NAALADL2: variants seen among roughly 807,000 people sequenced by gnomAD.
NAALADL2 encodes the protein inactive N-acetylated-alpha-linked acidic dipeptidase-like protein 2.
In NAALADL2, 76 loss-of-function variants were observed where a neutral mutation model predicts 87.2. The observed-to-expected ratio is 0.87, with a 90% CI of 0.72 to 1.05. NAALADL2 has a LOEUF of 1.05. Among genes scored for constraint, NAALADL2 ranks in the 50% least tolerant of loss-of-function variants. NAALADL2 has a pLI of 0.00. For missense variants in NAALADL2, 1,089 were observed against 945.8 expected (o/e 1.15, Z -1.99); for synonymous variants, 354 against 331.0 (o/e 1.07, Z -0.75).
At chr3:174,500,974 A>C (rs1455543813) in intron 1 of NAALADL2, among the ~76,000 whole-genome samples, 1 of 150,802 alleles carries the variant, frequency 6.6e-6, no homozygotes, top group Non-Finnish European at 1.5e-5. Context: ...CTCGAGCCTC[A>C]GCCTTCCGAG....
At chr3:175,509,899 G>A (rs1012076338) in intron 9 of NAALADL2, among the ~76,000 whole-genome samples, 10 of 151,632 alleles carry the variant, frequency 6.6e-5, no homozygotes, top group South Asian at 2.1e-4. Context: ...TGTGCACAAC[G>A]TGCAGGTTTG....
chr3:175,125,321 G>C (rs1055633710), intron 2 of NAALADL2, among the ~76,000 whole-genome samples: 1 of 151,924 alleles, frequency 6.6e-6, no homozygotes, highest in Non-Finnish European at 1.5e-5. Flanking sequence ...GGTTCCAGAA[G>C]CTACTGGAGA....
intron 1 of NAALADL2, among the ~76,000 whole-genome samples, chr3:174,511,757 T>G (rs1040458306): frequency 5.3e-5 from 8 of 151,992 alleles, no homozygotes; most frequent in African/African-American, 1.9e-4. Context: ...TTCTTTTAGA[T>G]AAAATGGACA....
intron 2 of NAALADL2, among the ~76,000 whole-genome samples, chr3:174,661,669 C>T (rs1358313899): frequency 6.6e-6 from 1 of 152,202 alleles, no homozygotes. Context: ...GTGTAACCAT[C>T]ACCCAAATAT....
intron 9 of NAALADL2, among the ~76,000 whole-genome samples, chr3:175,538,179 A>G (rs896532682): frequency 3.3e-5 from 5 of 152,126 alleles, no homozygotes; most frequent in African/African-American, 1.2e-4. Flanking sequence ...TTATAGACAG[A>G]ATGTCCAAAT....
At position 174,610,557 on chromosome 3, in the gene NAALADL2, G is replaced by A. The variant is rs550427519; in HGVS notation, c.-115+59920G>A. ...AGACATTTATGCAGCCAAAAAACAC[G>A]TGAAAAAATGCTCACCATCACTGGC... On this transcript the variant is annotated intron_variant, in intron 2 of 3. Coordinates refer to the NAALADL2 transcript ENST00000434257. 3.4e-4 allele frequency among the ~76,000 whole-genome samples: 52 copies of A among 152,198 alleles called. 1 individual carries two copies. The highest frequency in any genetic ancestry group is 1.1e-3 in the Admixed American group (17 of 15,290).
chr3:174,604,477 G>T (rs1386463055), intron 2 of NAALADL2, among the ~76,000 whole-genome samples: 1 of 151,924 alleles, frequency 6.6e-6, no homozygotes, highest in Non-Finnish European at 1.5e-5. Flanking sequence ...TGTATTTCTT[G>T]TAGGTAATAG....
At chr3:174,590,742 C>G (rs1194506197) in intron 2 of NAALADL2, among the ~76,000 whole-genome samples, 2 of 152,084 alleles carry the variant, frequency 1.3e-5, no homozygotes, top group African/African-American at 4.8e-5. Flanking sequence ...AAAACAGGCA[C>G]AGTAACAGTA....
At chr3:175,072,006 C>G (rs989429239) in intron 1 of NAALADL2, among the ~76,000 whole-genome samples, 9 of 151,638 alleles carry the variant, frequency 5.9e-5, no homozygotes, top group African/African-American at 2.2e-4. Flanking sequence ...TTCTTTTTTC[C>G]CTATAAGCAT....
chr3:175,476,647 G>A (rs1019881951), intron 9 of NAALADL2, among the ~76,000 whole-genome samples: 4 of 152,118 alleles, frequency 2.6e-5, no homozygotes, highest in African/African-American at 7.2e-5. Context: ...TCAATTGAGT[G>A]CAAAGTTGTT....
At chr3:175,574,540 G>A (rs1318686117) in intron 9 of NAALADL2, among the ~76,000 whole-genome samples, 1 of 152,106 alleles carries the variant, frequency 6.6e-6, no homozygotes, top group Non-Finnish European at 1.5e-5. Context: ...GGTGAGGGGT[G>A]GTTTCCAGCT....
intron 12 of NAALADL2, among the ~76,000 whole-genome samples, chr3:175,751,943 A>AT: frequency 6.6e-6 from 1 of 152,034 alleles, no homozygotes; most frequent in Non-Finnish European, 1.5e-5. Context: ...TCTTTTAAAT[A>AT]TTTTTCCTTT....
Position 174,651,414 on chromosome 3 carries a change from G to A in NAALADL2, c.-114-86227G>A, listed in dbSNP as rs527735659. Among the ~76,000 whole-genome samples, 3 of 152,266 alleles carry A rather than the reference G, an allele frequency of 2.0e-5. No individual in the cohort carries two copies. The South Asian group carries it at 6.2e-4, about 32-fold the overall frequency. The stretch of plus-strand genomic sequence containing the variant: ...TAGTAAAGTCTGTTTTGTGCATGTG[G>A]ACAAGCAATATTAAGAAAAGGCATT... On this transcript the variant is annotated intron_variant, in intron 2 of 3. Coordinates refer to the NAALADL2 transcript ENST00000434257.
intron 2 of NAALADL2, among the ~76,000 whole-genome samples, chr3:175,203,642 C>T (rs141779955): frequency 6.6e-6 from 1 of 152,214 alleles, no homozygotes; most frequent in East Asian, 1.9e-4. Flanking sequence ...ACAATCTAGT[C>T]CTGCCTCCTG....
At chr3:175,673,593 CT>C (rs1199104356) in intron 11 of NAALADL2, among the ~76,000 whole-genome samples, 1 of 151,722 alleles carries the variant, frequency 6.6e-6, no homozygotes, top group Non-Finnish European at 1.5e-5. Flanking sequence ...ACTTAATGTG[CT>C]TTTTTTCAAT....
chr3:174,849,464 C>T (rs116140207), intron 3 of NAALADL2, among the ~76,000 whole-genome samples: 2,824 of 152,038 alleles, frequency 0.019, 96 homozygotes, highest in African/African-American at 0.065. Flanking sequence ...GCACTGGGCA[C>T]GGTGACTCAC....
At chr3:174,842,705 G>A (rs1188216813) in intron 3 of NAALADL2, among the ~76,000 whole-genome samples, 1 of 151,966 alleles carries the variant, frequency 6.6e-6, no homozygotes, top group Non-Finnish European at 1.5e-5. Context: ...CATCCGGCTT[G>A]GTACCTCTAT....
At chr3:175,268,646 A>C (rs1481180632) in intron 4 of NAALADL2, among the ~76,000 whole-genome samples, 1 of 152,108 alleles carries the variant, frequency 6.6e-6, no homozygotes, top group Non-Finnish European at 1.5e-5. Flanking sequence ...CACCTGACAA[A>C]AATATTTTTG....
chr3:174,575,597 T>C (rs948065691), intron 2 of NAALADL2, among the ~76,000 whole-genome samples: 1 of 152,156 alleles, frequency 6.6e-6, no homozygotes, highest in African/African-American at 2.4e-5. Context: ...CCAGAAACTA[T>C]GAGGAAAAAC....
Sources: gnomAD v4.1 joint callset for allele counts (sites outside exome capture counted in the v4.1 genomes callset) on GRCh38, gnomAD v4.1.1 for gene constraint, MANE v1.5 for transcripts, NCBI Gene and HGNC (gene_info 2026-07-23, HGNC 2026-07-21) for gene names.